Variants in NTPCR observed in about 807,000 individuals in gnomAD.
NTPCR encodes the protein cancer-related nucleoside-triphosphatase.
A neutral mutation model predicts 19.5 loss-of-function variants in NTPCR; 15 were observed. The observed-to-expected ratio is 0.77, with a 90% CI of 0.51 to 1.18. The LOEUF is 1.18. Ranked by LOEUF, NTPCR falls within the 50% of genes most tolerant of loss-of-function variation. NTPCR has a pLI of 0.00. For synonymous variants in NTPCR, 90 were observed against 95.8 expected, an observed-to-expected ratio of 0.94 and a Z score of 0.36; for missense variants, 206 against 240.4, an observed-to-expected ratio of 0.86 and a Z score of 0.95.
At chr1:232,966,725 C>G (rs181575811) in intron 3 of NTPCR, 2 of 152,168 alleles carry the variant, frequency 1.3e-5, no homozygotes, top group South Asian at 2.1e-4. Flanking sequence ...TCTCCCGGAA[C>G]AGGGAAACTA....
In NTPCR at chr1:232,955,628, T is replaced by C; in HGVS notation, c.106T>C (p.Phe36Leu). The C allele has an allele frequency of 1.2e-6, 2 of 1,613,600 alleles. No homozygotes were observed. Among genetic ancestry groups the C allele is most frequent in the Non-Finnish European group, 1.7e-6 (2 of 1,179,900 alleles). The change falls in exon 2 of 5, where the codon TTT becomes CTT. Residue 36 changes from phenylalanine to leucine, a missense_variant. Phe to Leu is a conservative substitution (Grantham distance 22). Coordinates refer to ENST00000366628, the MANE Select transcript of NTPCR (RefSeq NM_032324.3). Reference sequence around the variant, plus strand: ...ATCCTCTGGTGTGCCTGTTGATGGATTTTATACCGAAGAAGTCAGACAGGG... The same window carrying C: ...ATCCTCTGGTGTGCCTGTTGATGGACTTTATACCGAAGAAGTCAGACAGGG... ...LKSSGVPVDG[F>L]YTEEVRQGGR...
intron 3 of NTPCR, chr1:232,967,224 T>C (rs575361846): frequency 6.6e-6 from 1 of 152,386 alleles, no homozygotes; most frequent in African/African-American, 2.4e-5. Flanking sequence ...TTACACGTTA[T>C]AGTGGTTCTT....
At chr1:232,961,647 C>T (rs1028653610) in intron 3 of NTPCR, among the ~76,000 whole-genome samples, 2 of 152,184 alleles carry the variant, frequency 1.3e-5, no homozygotes, top group African/African-American at 4.8e-5. Flanking sequence ...ATTTTCCCTT[C>T]AAGGTAGAGA....
chr1:232,965,436 A>G (rs946934958), intron 3 of NTPCR: 1 of 152,252 alleles, frequency 6.6e-6, no homozygotes, highest in Non-Finnish European at 1.5e-5. Flanking sequence ...GTTACCTGCT[A>G]TGTGAAGTTG....
intron 4 of NTPCR, among the ~76,000 whole-genome samples, chr1:232,972,791 C>T (rs774773053): frequency 2.0e-5 from 3 of 152,208 alleles, no homozygotes; most frequent in Non-Finnish European, 2.9e-5. Context: ...GGGTTCTTTC[C>T]ATTGCTCACA....
At chr1:232,971,420 A>G (rs1668974731) in intron 4 of NTPCR, among the ~76,000 whole-genome samples, 1 of 152,154 alleles carries the variant, frequency 6.6e-6, no homozygotes, top group Non-Finnish European at 1.5e-5. Flanking sequence ...TGTTGCCACC[A>G]AAGAATCCTG....
At position 232,978,159 on chromosome 1, in the gene NTPCR, A is replaced by G. The variant is rs565333533; in HGVS notation, c.505-4A>G. 6 of 1,613,506 alleles carry G rather than the reference A, an allele frequency of 3.7e-6. No individual in the cohort carries two copies. In the African/African-American group the frequency reaches 6.7e-5, roughly 18 times the overall value. On this transcript the variant is annotated splice_polypyrimidine_tract_variant and splice_region_variant and intron_variant, in intron 4 of 4. Transcript: ENST00000366628. Reference sequence around the variant, plus strand: ...GAAGCCTGTTCTCTCACTTCTTCCCACAGGTCACCAAGGAAAACAGAAACC... The same window carrying G: ...GAAGCCTGTTCTCTCACTTCTTCCCGCAGGTCACCAAGGAAAACAGAAACC...
chr1:232,950,631 C>A lies in NTPCR; in HGVS notation c.-80C>A. The A allele has an allele frequency of 1.7e-6, 2 of 1,205,532 alleles. No individual in the cohort carries two copies. The highest frequency in any genetic ancestry group is 2.4e-6 in the Non-Finnish European group (2 of 818,100). 74.7% of individuals were successfully genotyped at this position (1,205,532 alleles called of 1,614,324 possible). A position where few individuals can be genotyped will look rare whatever the true frequency, so the allele number is the denominator to read the frequency against. On this transcript the variant is annotated 5_prime_UTR_variant, in exon 1 of 5. Transcript: ENST00000366628. ...GCGGTGGGCGGGTCCTGAGTCGCGACCCTGGTCCGGACCTGACCTGAATTG... is the reference window on the plus strand; with the variant it reads ...GCGGTGGGCGGGTCCTGAGTCGCGAACCTGGTCCGGACCTGACCTGAATTG...
rs764773940 is a variant in NTPCR, at chr1:232,980,297, C to T, written c.*2066C>T. On this transcript the variant is annotated 3_prime_UTR_variant, in exon 5 of 5. Transcript: ENST00000366628. ...GAGCTTCTGCACACTTTCCCTTTAACGGTAAAGAGACAAGCTTGGAGTGTT... is the reference window on the plus strand; with the variant it reads ...GAGCTTCTGCACACTTTCCCTTTAATGGTAAAGAGACAAGCTTGGAGTGTT... The T allele has an allele frequency of 5.3e-5, 8 of 152,142 alleles. No homozygotes were observed. Among genetic ancestry groups the T allele is most frequent in the South Asian group, 2.1e-4 (1 of 4,826 alleles). 9.4% of individuals were successfully genotyped at this position (152,142 alleles called of 1,614,324 possible). A position where few individuals can be genotyped will look rare whatever the true frequency, so the allele number is the denominator to read the frequency against.
rs1466776231 is a variant in NTPCR at position 232,976,317 on chromosome 1, C to T, written c.505-1846C>T. ...TCTCTTCTAGCTATCTTGAAATATA[C>T]ACTACCTTGTTATTTACTCTGTAGT... On this transcript the variant is annotated intron_variant, in intron 4 of 4. Transcript: ENST00000366628. The T allele has an allele frequency of 3.4e-6, 5 of 1,471,980 alleles. No homozygotes were observed. The East Asian group carries it at 1.3e-4, about 37-fold the overall frequency. The allele number at this position is 1,471,980 out of a possible 1,614,324, so 91.2% of individuals were successfully genotyped here. A position where few individuals can be genotyped will look rare whatever the true frequency, so the allele number is the denominator to read the frequency against.
At chr1:232,961,359 C>T (rs1204577039) in intron 3 of NTPCR, among the ~76,000 whole-genome samples, 1 of 152,224 alleles carries the variant, frequency 6.6e-6, no homozygotes, top group Non-Finnish European at 1.5e-5. Context: ...CTTTGTGTCC[C>T]ACTGCCAGGG....
chr1:232,962,809 G>T (rs1235115057), intron 3 of NTPCR: 1 of 152,176 alleles, frequency 6.6e-6, no homozygotes, highest in Non-Finnish European at 1.5e-5. Flanking sequence ...TTGAGAGCAG[G>T]ATCTACTTTT....
At chr1:232,974,197 A>G (rs1260306975) in intron 4 of NTPCR, among the ~76,000 whole-genome samples, 1 of 152,244 alleles carries the variant, frequency 6.6e-6, no homozygotes, top group Non-Finnish European at 1.5e-5. Flanking sequence ...GTGACAGCAG[A>G]TTTCTCAGGA....
In NTPCR at chr1:232,976,668, G is replaced by A. The variant is rs1271888397; in HGVS notation, c.505-1495G>A. The A allele has an allele frequency of 3.2e-6, 4 of 1,254,846 alleles. No individual in the cohort carries two copies. In the African/African-American group the frequency reaches 4.5e-5, roughly 14 times the overall value. 77.7% of individuals were successfully genotyped at this position (1,254,846 alleles called of 1,614,324 possible). ...GGAGCCACAGCCGCCCAGGATTGAC[G>A]CAGCCAGGACCAGTAGAAATGGGAT... On this transcript the variant is annotated intron_variant, in intron 4 of 4. Transcript: ENST00000366628.
chr1:232,961,676 A>G (rs1668673289), intron 3 of NTPCR, among the ~76,000 whole-genome samples: 1 of 152,168 alleles, frequency 6.6e-6, no homozygotes, highest in Non-Finnish European at 1.5e-5. Flanking sequence ...TCCCTATTCC[A>G]AATTTATATA....
In NTPCR at chr1:232,978,314, C is replaced by T. The variant is rs1669201340; in HGVS notation, c.*83C>T. The stretch of plus-strand genomic sequence containing the variant: ...GAGCCCTGCCTGTCGAGGCTGTATG[C>T]CTATGGGGTTATGGAACCTTGTGGG... On this transcript the variant is annotated 3_prime_UTR_variant, in exon 5 of 5. Transcript: ENST00000366628. 1 of 1,145,136 alleles carries T rather than the reference C, an allele frequency of 8.7e-7. No homozygotes were observed. Among genetic ancestry groups the T allele is most frequent in the Non-Finnish European group, 1.3e-6 (1 of 773,388 alleles). 70.9% of individuals were successfully genotyped at this position (1,145,136 alleles called of 1,614,324 possible).
At position 232,955,717 on chromosome 1, in the gene NTPCR, T is replaced by A. The variant is rs12725558; in HGVS notation, c.195T>A (p.Val65=). 222,147 of 1,612,856 alleles carry A rather than the reference T, an allele frequency of 0.14. 16,304 individuals carry two copies. The highest frequency in any genetic ancestry group is 0.15 in the South Asian group (13,987 of 91,020). Residue 65 remains valine, a splice_region_variant and synonymous_variant, in exon 2 of 5, where the codon GTT becomes GTA. Transcript: ENST00000366628. Reference sequence around the variant, plus strand: ...GCACCCGGGGGCCTTTATCGAGAGTTGGGTACTGATATTTCATTTCTGTGG... The same window carrying A: ...GCACCCGGGGGCCTTTATCGAGAGTAGGGTACTGATATTTCATTTCTGTGG... The part of the protein sequence containing the change: ...LSGTRGPLSR[V]GLEPPPGKRE...
chr1:232,956,367 A>G lies in NTPCR; in HGVS notation c.218A>G (p.Lys73Arg). The change falls in exon 3 of 5, where the codon AAA becomes AGA. Residue 73 changes from lysine (K) to arginine (R), a missense_variant. Coordinates refer to ENST00000366628, the MANE Select transcript of NTPCR (RefSeq NM_032324.3). ...TTCAGGTTAGAGCCTCCACCTGGAA[A>G]ACGTGAATGCCGAGTTGGGCAGTAT... ...SRVGLEPPPG[K>R]RECRVGQYVV... is the part of the protein sequence containing the mutation. 1.2e-6 allele frequency: 2 copies of G among 1,613,892 alleles called. No individual in the cohort carries two copies. Among genetic ancestry groups the G allele is most frequent in the Non-Finnish European group, 1.7e-6 (2 of 1,179,778 alleles).
chr1:232,972,860 A>C (rs1669021267), intron 4 of NTPCR, among the ~76,000 whole-genome samples: 1 of 152,168 alleles, frequency 6.6e-6, no homozygotes, highest in African/African-American at 2.4e-5. Context: ...TACTTAGTCC[A>C]TCGTTTAGGC....
Sources: gnomAD v4.1 joint callset for allele counts (sites outside exome capture counted in the v4.1 genomes callset) on GRCh38, gnomAD v4.1.1 for gene constraint, MANE v1.5 for transcripts, NCBI Gene and HGNC (gene_info 2026-07-23, HGNC 2026-07-21) for gene names.